The following WNT8B variants were observed in gnomAD, a reference collection of about 807,000 sequenced individuals.
The protein encoded by WNT8B is protein Wnt-8b.
A neutral mutation model predicts 36.6 loss-of-function variants in WNT8B; 24 were observed. The ratio of observed to expected loss-of-function variants is 0.66; its 90% CI spans 0.48 to 0.92. WNT8B has a LOEUF of 0.92. WNT8B is among the 40% of genes least tolerant of loss of function. The probability of loss-of-function intolerance (pLI) is 0.00; values close to 1 mark genes in which losing one functional copy is unlikely to be tolerated. For missense variants in WNT8B, 402 were observed against 470.8 expected, an observed-to-expected ratio of 0.85 and a Z score of 1.35; for synonymous variants, 199 against 189.8, an observed-to-expected ratio of 1.05 and a Z score of -0.40.
At chr10:100,472,499 G>C (rs899465474) in intron 1 of WNT8B, among the ~76,000 whole-genome samples, 3 of 152,106 alleles carry the variant, frequency 2.0e-5, no homozygotes, top group African/African-American at 7.2e-5. Flanking sequence ...GAAAAGTATA[G>C]TACCCACCCC....
At chr10:100,478,875 A>T (rs567993833) in intron 1 of WNT8B, among the ~76,000 whole-genome samples, 177 bp from the exon 2 acceptor site, 1 of 152,160 alleles carries the variant, frequency 6.6e-6, no homozygotes, top group African/African-American at 2.4e-5. Flanking sequence ...GAGCCACCCC[A>T]CCTGGCTGTA....
chr10:100,477,608 T>A (rs1165758550), intron 1 of WNT8B, among the ~76,000 whole-genome samples: 1 of 152,182 alleles, frequency 6.6e-6, no homozygotes, highest in Non-Finnish European at 1.5e-5. Context: ...CACAGTTTTT[T>A]AAACTACCCT....
chr10:100,474,952 A>C (rs998000744), intron 1 of WNT8B, among the ~76,000 whole-genome samples: 1 of 151,016 alleles, frequency 6.6e-6, no homozygotes, highest in African/African-American at 2.4e-5. Flanking sequence ...GGTTAACAAC[A>C]CAAGTTGGCT....
intron 1 of WNT8B, among the ~76,000 whole-genome samples, chr10:100,465,450 C>G (rs1850898585): frequency 6.6e-6 from 1 of 152,142 alleles, no homozygotes; most frequent in South Asian, 2.1e-4. Context: ...ACTTACTCAT[C>G]TGGAATGAGC....
chr10:100,479,139 C>T (rs372224775), intron 2 of WNT8B, 54 bp downstream of exon 2: 2 of 1,498,656 alleles, frequency 1.3e-6, no homozygotes, highest in African/African-American at 2.8e-5. Flanking sequence ...AGCCTGTTGA[C>T]TAAAGATGAT....
rs1438197970 is a variant in WNT8B at position 100,482,246 on chromosome 10, C to A, written c.511-25C>A. On this transcript the variant is annotated intron_variant, in intron 5 of 5. Transcript: ENST00000343737. This position sits in a 1 kb window ranked among gnomAD's most constrained non-coding sequence, Gnocchi z 6.6. ...ACTCGCCACGCGCTTAATCCGGGGC[C>A]TCTCACTCCTAGCTCTCTCCCCAGG... The A allele has an allele frequency of 6.4e-6, 10 of 1,557,520 alleles. No individual in the cohort carries two copies. The highest frequency in any genetic ancestry group is 8.6e-6 in the Non-Finnish European group (10 of 1,156,334).
chr10:100,481,574 T>C (rs757504854), intron 4 of WNT8B, among the ~76,000 whole-genome samples: 3 of 152,182 alleles, frequency 2.0e-5, no homozygotes, highest in Non-Finnish European at 4.4e-5. Flanking sequence ...CACCATTTTG[T>C]CCCTTCTGGA....
intron 1 of WNT8B, among the ~76,000 whole-genome samples, chr10:100,475,647 C>T (rs1411614497): frequency 6.6e-6 from 1 of 152,164 alleles, no homozygotes; most frequent in Non-Finnish European, 1.5e-5. Flanking sequence ...ACTCAATTTG[C>T]TTTGTTGTTT....
chr10:100,470,198 T>A (rs994803097), intron 1 of WNT8B, among the ~76,000 whole-genome samples: 1 of 152,128 alleles, frequency 6.6e-6, no homozygotes, highest in Non-Finnish European at 1.5e-5. Flanking sequence ...CAATCTTGGC[T>A]CACTGCAGCC....
In WNT8B at chr10:100,482,261, C is replaced by G. The variant is rs367908590; in HGVS notation, c.511-10C>G. 7.0e-6 allele frequency: 11 copies of G among 1,574,684 alleles called. No homozygotes were observed. The highest frequency in any genetic ancestry group is 1.3e-5 in the African/African-American group (1 of 74,534). On this transcript the variant is annotated splice_polypyrimidine_tract_variant and intron_variant, in intron 5 of 5. Coordinates refer to ENST00000343737, the MANE Select transcript of WNT8B (RefSeq NM_003393.4). The surrounding 1 kb of genome is among the most constrained non-coding windows in gnomAD (Gnocchi z 6.6). Reference sequence around the variant, plus strand: ...AATCCGGGGCCTCTCACTCCTAGCTCTCTCCCCAGGCGGTGAAGGGCACCA... The same window carrying G: ...AATCCGGGGCCTCTCACTCCTAGCTGTCTCCCCAGGCGGTGAAGGGCACCA...
At chr10:100,466,551 C>T (rs181259606) in intron 1 of WNT8B, among the ~76,000 whole-genome samples, 9 of 152,040 alleles carry the variant, frequency 5.9e-5, no homozygotes, top group African/African-American at 2.2e-4. Context: ...CATTACAGCT[C>T]TTGTTATGAA....
rs535725337 is a variant in WNT8B at position 100,474,551 on chromosome 10, T to C, written c.69-4501T>C. ...CAAGAACAAGATCCTCCTCCTTTGGTACTCACTACAGGACAGTCTTCTTTT... is the reference window on the plus strand; with the variant it reads ...CAAGAACAAGATCCTCCTCCTTTGGCACTCACTACAGGACAGTCTTCTTTT... On this transcript the variant is annotated intron_variant, in intron 1 of 5. Transcript: ENST00000343737. Among the ~76,000 whole-genome samples, 4 of 152,220 alleles carry C rather than the reference T, an allele frequency of 2.6e-5. No homozygotes were observed. In the South Asian group the frequency reaches 8.3e-4, roughly 32 times the overall value.
chr10:100,469,240 C>T (rs968303984), intron 1 of WNT8B, among the ~76,000 whole-genome samples: 2 of 152,154 alleles, frequency 1.3e-5, no homozygotes, highest in Admixed American at 6.5e-5. Flanking sequence ...TCTTTCAATG[C>T]CATCCTCCCC....
intron 1 of WNT8B, among the ~76,000 whole-genome samples, chr10:100,470,244 G>C (rs1850961133): frequency 6.6e-6 from 1 of 152,086 alleles, no homozygotes; most frequent in Non-Finnish European, 1.5e-5. Flanking sequence ...TCCCACTTCA[G>C]CCTCCTGAGT....
At chr10:100,467,085 C>T (rs1285926473) in intron 1 of WNT8B, among the ~76,000 whole-genome samples, 1 of 152,040 alleles carries the variant, frequency 6.6e-6, no homozygotes, top group Non-Finnish European at 1.5e-5. Context: ...TTGAAATACA[C>T]CTGCACTCCC....
At chr10:100,464,846 T>C (rs1217249395) in intron 1 of WNT8B, among the ~76,000 whole-genome samples, 1 of 152,268 alleles carries the variant, frequency 6.6e-6, no homozygotes. Context: ...ACATTTGTAC[T>C]TCACCAAGAA....
chr10:100,471,923 G>C (rs886740300), intron 1 of WNT8B, among the ~76,000 whole-genome samples: 1 of 151,842 alleles, frequency 6.6e-6, no homozygotes, highest in Non-Finnish European at 1.5e-5. Context: ...TGCCGGGCGC[G>C]GTGGCTCATC....
At position 100,479,882 on chromosome 10, in the gene WNT8B, G is replaced by C. The variant is rs753894442; in HGVS notation, c.111G>C (p.Leu37=). The stretch of plus-strand genomic sequence containing the variant: ...CCCCTATGTCCCTACAGGCTTACCT[G>C]ATTTACTCCAGCAGTGTGGCAGCTG... ...NFLMTGPKAY[L]IYSSSVAAGA... is the part of the protein sequence containing the mutation. The change falls in exon 3 of 6, where the codon CTG becomes CTC. Residue 37 remains leucine, a synonymous_variant. Transcript: ENST00000343737. The C allele has an allele frequency of 6.2e-7, 1 of 1,613,962 alleles. No homozygotes were observed. Among genetic ancestry groups the C allele is most frequent in the East Asian group, 2.2e-5 (1 of 44,874 alleles).
intron 1 of WNT8B, among the ~76,000 whole-genome samples, chr10:100,464,626 G>C (rs752902732): frequency 6.6e-6 from 1 of 152,180 alleles, no homozygotes; most frequent in East Asian, 1.9e-4. Flanking sequence ...CACACTGAAA[G>C]GTGGCTGGGT....
Sources: allele counts gnomAD v4.1 joint callset (sites outside exome capture counted in the v4.1 genomes callset), GRCh38; gene constraint gnomAD v4.1.1; non-coding constraint Gnocchi (gnomAD v3.1); transcripts MANE v1.5; gene names NCBI Gene and HGNC (gene_info 2026-07-23, HGNC 2026-07-21).